MS4A2: variants seen among roughly 807,000 people sequenced by gnomAD.
MS4A2 encodes high affinity immunoglobulin epsilon receptor subunit beta.
A neutral mutation model predicts 27.9 loss-of-function variants in MS4A2; 26 were observed. The ratio of observed to expected loss-of-function variants is 0.93; its 90% CI spans 0.68 to 1.29. The LOEUF is 1.29. Among genes scored for constraint, MS4A2 ranks in the 50% most tolerant of loss-of-function variants. The pLI, the probability that MS4A2 is intolerant of heterozygous loss-of-function variation, is 0.00. For synonymous variants in MS4A2, 110 were observed against 98.8 expected (o/e 1.11, Z -0.67); for missense variants, 284 against 284.6 (o/e 1.00, Z 0.01).
rs1471752069 is a variant in MS4A2, at chr11:60,094,006, G to A, written c.580G>A (p.Gly194Ser). Residue 194 changes from glycine (G) to serine (S), a missense_variant, in exon 6 of 7, where the codon GGT becomes AGT. Gly to Ser is a moderately conservative substitution (Grantham distance 56, BLOSUM62 0). Coordinates refer to ENST00000278888, the MANE Select transcript of MS4A2 (RefSeq NM_000139.5). ...GCTGTTTCTCACCATTCTGGGACTT[G>A]GTAGTGCTGTGTCACTCACAATCTG... is the stretch of plus-strand genomic sequence containing the variant. Reference protein sequence around the residue: ...MMLFLTILGLGSAVSLTICGA... With the variant: ...MMLFLTILGLSSAVSLTICGA... 6.2e-7 allele frequency: 1 copy of A among 1,614,080 alleles called. No homozygotes were observed. Among genetic ancestry groups the A allele is most frequent in the South Asian group, 1.1e-5 (1 of 91,080 alleles).
At position 60,095,856 on chromosome 11, in the gene MS4A2, TC is replaced by T. The variant is rs1855860697; in HGVS notation, c.*202del. 4 of 583,482 alleles carry T rather than the reference TC, an allele frequency of 6.9e-6. No homozygotes were observed. The South Asian group carries it at 8.0e-5, about 12-fold the overall frequency. The allele number at this position is 583,482 out of a possible 1,614,324, so 36.1% of individuals were successfully genotyped here. ...CCTTCTATTTGTAGATATGATAGAC[TC>T]CTATTTTTCTTGTTTTATATTATGA... is the stretch of plus-strand genomic sequence containing the variant. On this transcript the variant is annotated 3_prime_UTR_variant, in exon 7 of 7. Transcript: ENST00000278888.
chr11:60,088,946 A>G (rs1444391241), intron 1 of MS4A2, 125 bp downstream of exon 1: 4 of 998,572 alleles, frequency 4.0e-6, no homozygotes, highest in Non-Finnish European at 4.6e-6. Context: ...TAATTAATAT[A>G]TTGGGTATGA....
chr11:60,092,767 C>G (rs779544349), intron 3 of MS4A2, 25 bp from the exon 4 acceptor site: 1 of 1,605,750 alleles, frequency 6.2e-7, no homozygotes, highest in South Asian at 1.1e-5. Context: ...CTCATTGTGG[C>G]TTTTTTTTCC....
chr11:60,093,251 A>G, intron 4 of MS4A2, 149 bp from the exon 5 acceptor site: 1 of 911,308 alleles, frequency 1.1e-6, no homozygotes, highest in Admixed American at 2.1e-5. Flanking sequence ...TCATTAAACA[A>G]TGCGGACATT....
intron 5 of MS4A2, 57 bp from the exon 6 acceptor site, chr11:60,093,907 C>A: frequency 2.2e-6 from 3 of 1,391,178 alleles, no homozygotes; most frequent in Non-Finnish European, 3.1e-6. Context: ...AGAAAATAAA[C>A]TTTTGGGGCG....
At position 60,093,795 on chromosome 11, in the gene MS4A2, C is replaced by T. The variant is rs907779669; in HGVS notation, c.538-169C>T. ...GTGACGATCTCTGGGTTTTTCTGTG[C>T]CTGTGTTTGTGTGTGTGTGTGTGTG... On this transcript the variant is annotated intron_variant, in intron 5 of 6. Transcript: ENST00000278888. 8.1e-5 allele frequency: 59 copies of T among 729,520 alleles called. No homozygotes were observed. The African/African-American group carries it at 1.2e-3, about 15-fold the overall frequency. 45.2% of individuals were successfully genotyped at this position (729,520 alleles called of 1,614,324 possible).
intron 3 of MS4A2, among the ~76,000 whole-genome samples, chr11:60,091,935 A>T (rs551827623): frequency 6.6e-6 from 1 of 152,362 alleles, no homozygotes; most frequent in Admixed American, 6.5e-5. Context: ...ATTGACTTAT[A>T]TTTATATCAA....
chr11:60,092,795 T>C lies in MS4A2; in HGVS notation c.325T>C (p.Ser109Pro), dbSNP rs1855789660. ...TTTTTTCCTCCTTTTTGAACAGTTTTCTATTTCTGGAATGTTGTCAATTAT... is the reference window on the plus strand; with the variant it reads ...TTTTTTCCTCCTTTTTGAACAGTTTCCTATTTCTGGAATGTTGTCAATTAT... ...GYPFWGAIFF[S>P]ISGMLSIISE... Residue 109 changes from serine to proline, a missense_variant, in exon 4 of 7, where the codon TCT becomes CCT. Ser to Pro is a moderately conservative substitution (Grantham distance 74). Coordinates refer to ENST00000278888, the MANE Select transcript of MS4A2 (RefSeq NM_000139.5). 6.2e-7 allele frequency: 1 copy of C among 1,613,864 alleles called. No homozygotes were observed. The highest frequency in any genetic ancestry group is 1.3e-5 in the African/African-American group (1 of 75,062).
chr11:60,092,179 A>G (rs528328305), intron 3 of MS4A2, among the ~76,000 whole-genome samples: 7 of 152,096 alleles, frequency 4.6e-5, no homozygotes, highest in Non-Finnish European at 1.0e-4. Flanking sequence ...TAACCCCTGC[A>G]TTGTCAGGGT....
intron 5 of MS4A2, 86 bp downstream of exon 5, chr11:60,093,644 A>G (rs1490289078): frequency 1.3e-6 from 2 of 1,527,398 alleles, no homozygotes; most frequent in Admixed American, 1.7e-5. Flanking sequence ...CATGAACACC[A>G]TCCTTTTCTG....
intron 6 of MS4A2, 70 bp from the exon 7 acceptor site, chr11:60,095,488 T>A (rs1855852953): frequency 1.1e-6 from 1 of 919,828 alleles, no homozygotes; most frequent in Admixed American, 1.7e-5. Context: ...ATGAGGTAAG[T>A]CTCTTGAGCG....
intron 1 of MS4A2, 116 bp from the exon 2 acceptor site, chr11:60,089,576 T>C: frequency 2.2e-6 from 3 of 1,383,682 alleles, no homozygotes; most frequent in Non-Finnish European, 3.1e-6. Context: ...CAATGAAGAT[T>C]TGAATTACAG....
At chr11:60,089,859 T>A (rs1855725668) in intron 2 of MS4A2, 38 bp downstream of exon 2, 3 of 1,612,422 alleles carry the variant, frequency 1.9e-6, no homozygotes, top group Non-Finnish European at 2.5e-6. Flanking sequence ...AGAGTAAGGG[T>A]TGGGTCTAGA....
chr11:60,095,353 G>A (rs768282590), intron 6 of MS4A2, among the ~76,000 whole-genome samples: 2 of 152,172 alleles, frequency 1.3e-5, no homozygotes, highest in Non-Finnish European at 1.5e-5. Flanking sequence ...TCACCAACTT[G>A]TCATTGACTG....
chr11:60,092,862 TTCTG>T lies in MS4A2; in HGVS notation c.378+18_378+21del. The T allele has an allele frequency of 8.1e-6, 13 of 1,612,156 alleles. No homozygotes were observed. Among genetic ancestry groups the T allele is most frequent in the Non-Finnish European group, 1.1e-5 (13 of 1,178,380 alleles). On this transcript the variant is annotated intron_variant, in intron 4 of 6. Transcript: ENST00000278888. Reference sequence around the variant, plus strand: ...GCAACATATCTGGTGAGTTGCCCGTTTCTGTCTTTGTCCATCCTTGAAAAGATAA... The same window carrying T: ...GCAACATATCTGGTGAGTTGCCCGTTTCTTTGTCCATCCTTGAAAAGATAA...
chr11:60,088,806 C>T lies in MS4A2; in HGVS notation c.41C>T (p.Pro14Leu). The change falls in exon 1 of 7, where the codon CCA becomes CTA. Residue 14 changes from proline (P) to leucine (L), a missense_variant. Transcript: ENST00000278888. ...AATAGGAGAGCAAATCTTGCTCTCC[C>T]ACAGGAGCCTTCCAGGTAGGTACAA... ...ESNRRANLAL[P>L]QEPSSVPAFE... The T allele has an allele frequency of 6.2e-7, 1 of 1,611,562 alleles. No individual in the cohort carries two copies. The highest frequency in any genetic ancestry group is 1.3e-5 in the African/African-American group (1 of 74,960).
intron 2 of MS4A2, 78 bp downstream of exon 2, chr11:60,089,899 C>T (rs1423596344): frequency 1.3e-6 from 2 of 1,578,516 alleles, no homozygotes; most frequent in Non-Finnish European, 1.7e-6. Flanking sequence ...CAACTGTTTT[C>T]CCACTTGGAT....
chr11:60,092,789 C>T lies in MS4A2; in HGVS notation c.322-3C>T. Reference sequence around the variant, plus strand: ...TGGCTTTTTTTTCCTCCTTTTTGAACAGTTTTCTATTTCTGGAATGTTGTC... The same window carrying T: ...TGGCTTTTTTTTCCTCCTTTTTGAATAGTTTTCTATTTCTGGAATGTTGTC... On this transcript the variant is annotated splice_polypyrimidine_tract_variant and splice_region_variant and intron_variant, in intron 3 of 6. Coordinates refer to ENST00000278888, the MANE Select transcript of MS4A2 (RefSeq NM_000139.5). The T allele has an allele frequency of 1.2e-6, 2 of 1,612,854 alleles. No individual in the cohort carries two copies. Among genetic ancestry groups the T allele is most frequent in the Non-Finnish European group, 1.7e-6 (2 of 1,179,340 alleles).
At chr11:60,092,875 C>G in intron 4 of MS4A2, 27 bp downstream of exon 4, 1 of 1,604,054 alleles carries the variant, frequency 6.2e-7, no homozygotes, top group South Asian at 1.1e-5. Flanking sequence ...TGTCTTTGTC[C>G]ATCCTTGAAA....
Sources: allele counts gnomAD v4.1 joint callset (sites outside exome capture counted in the v4.1 genomes callset), GRCh38; gene constraint gnomAD v4.1.1; transcripts MANE v1.5; gene names NCBI Gene and HGNC (gene_info 2026-07-23, HGNC 2026-07-21).